GSTT2B: variants seen among roughly 807,000 people sequenced by gnomAD.
GSTT2B encodes the protein glutathione S-transferase theta-2B.
In GSTT2B, 4 loss-of-function variants were observed where a neutral mutation model predicts 16.6. The ratio of observed to expected loss-of-function variants is 0.24; its 90% confidence interval spans 0.12 to 0.55. The LOEUF (loss-of-function observed/expected upper bound fraction) is 0.55. GSTT2B is among the 20% of genes least tolerant of loss of function. The probability of loss-of-function intolerance (pLI) is 0.94; values close to 1 mark genes in which losing one functional copy is unlikely to be tolerated. For missense variants in GSTT2B, 27 were observed against 266.1 expected, an observed-to-expected ratio of 0.10 and a Z score of 6.25; for synonymous variants, 9 against 110.9, an observed-to-expected ratio of 0.08 and a Z score of 5.77.
chr22:23,960,149 G>A (rs1229529805), intron 2 of GSTT2B, 145 bp downstream of exon 2: 22 of 800,810 alleles, frequency 2.7e-5, no homozygotes, highest in Admixed American at 1.4e-4. Flanking sequence ...ACAGGCGTGA[G>A]CCACCGCGCC....
At chr22:23,960,254 T>C (rs1252848326) in intron 2 of GSTT2B, 40 bp downstream of exon 2, 1 of 1,609,144 alleles carries the variant, frequency 6.2e-7, no homozygotes, top group Non-Finnish European at 8.5e-7. Context: ...CAAGGTCACA[T>C]GGGCTCCGGA....
At chr22:23,960,684 T>G (rs1430507159) in intron 1 of GSTT2B, among the ~76,000 whole-genome samples, 9 of 109,108 alleles carry the variant, frequency 8.2e-5, no homozygotes. Flanking sequence ...CATCTCTTAA[T>G]TCTCACAACA....
chr22:23,959,799 G>A (rs146327694), intron 2 of GSTT2B, among the ~76,000 whole-genome samples: 5,780 of 92,422 alleles, frequency 0.063, 114 homozygotes, highest in African/African-American at 0.12. Flanking sequence ...GGATGGTCTC[G>A]ATCTCCTGAC....
In GSTT2B at chr22:23,959,840, G is replaced by A. The variant is rs946479315; in HGVS notation, c.200+454C>T. ...GATCCGCCCACCTCGGCCTCCCAAAGTGCTGGGATTACAGGCGTAAACCAC... is the reference window on the plus strand; with the variant it reads ...GATCCGCCCACCTCGGCCTCCCAAAATGCTGGGATTACAGGCGTAAACCAC... On this transcript the variant is annotated intron_variant, in intron 2 of 4. Transcript: ENST00000290765. Among the ~76,000 whole-genome samples, 4 of 90,844 alleles carry A rather than the reference G, an allele frequency of 4.4e-5. 1 individual carries two copies. Among genetic ancestry groups the A allele is most frequent in the African/African-American group, 1.4e-4 (4 of 28,136 alleles). 59.6% of individuals were successfully genotyped at this position (90,844 alleles called of 152,430 possible).
chr22:23,958,852 CCCTCCT>C (rs2146203524), intron 2 of GSTT2B, 151 bp from the exon 3 acceptor site: 10 of 430,562 alleles, frequency 2.3e-5, no homozygotes, highest in South Asian at 2.0e-4. Context: ...CAACACCACC[CCCTCCT>C]CCTACGAGTC....
rs781652428 is a variant in GSTT2B at position 23,960,298 on chromosome 22, C to A, written c.196G>T (p.Glu66Ter). Residue 66 changes from glutamate to a stop codon, truncating the protein, a stop_gained, in exon 2 of 5, where the codon GAA becomes TAA. Coordinates refer to ENST00000290765, the MANE Select transcript of GSTT2B (RefSeq NM_001080843.4). LOFTEE classifies it high-confidence loss of function. ...GGGGTGAGGGAAGGAGGGCACCTTTCGGTCAAGATGAAATCACCATCCTTG... is the reference window on the plus strand; with the variant it reads ...GGGGTGAGGGAAGGAGGGCACCTTTAGGTCAAGATGAAATCACCATCCTTG... ...TLKDGDFILT[E>*]SSAILIYLSC... 1.2e-6 allele frequency: 2 copies of A among 1,612,788 alleles called. No individual in the cohort carries two copies. Among genetic ancestry groups the A allele is most frequent in the Non-Finnish European group, 1.7e-6 (2 of 1,179,198 alleles).
chr22:23,958,852 CCCT>C, intron 2 of GSTT2B, 151 bp from the exon 3 acceptor site: 1 of 430,562 alleles, frequency 2.3e-6, no homozygotes, highest in Admixed American at 4.9e-5. Context: ...CAACACCACC[CCCT>C]CCTCCTACGA....
chr22:23,960,067 G>A (rs1259345656), intron 2 of GSTT2B, among the ~76,000 whole-genome samples: 2 of 149,040 alleles, frequency 1.3e-5, no homozygotes, highest in Non-Finnish European at 1.5e-5. Context: ...GTGTTTCACG[G>A]TGTTAGCCAG....
At chr22:23,960,233 G>C (rs1433765030) in intron 2 of GSTT2B, 61 bp downstream of exon 2, 2 of 1,594,016 alleles carry the variant, frequency 1.3e-6, no homozygotes, top group Non-Finnish European at 1.7e-6. Context: ...CCCGGGGCCA[G>C]TGGGGAGAGC....
At chr22:23,960,520 C>T (rs2033829562) in intron 1 of GSTT2B, 139 bp from the exon 2 acceptor site, 1 of 1,029,948 alleles carries the variant, frequency 9.7e-7, no homozygotes, top group African/African-American at 1.7e-5. Context: ...CAGCCTCACT[C>T]CCTGGCTGGG....
upstream of GSTT2B, chr22:23,961,206 CCCGGCGCGCCGGGAAATAGGGGAT>C: frequency 2.8e-6 from 1 of 357,764 alleles, no homozygotes; most frequent in South Asian, 2.6e-5. Context: ...GTGGCAGGAT[CCCGGCGCGCCGGGAAATAGGGGAT>C]CAGGCCCCAC....
At position 23,960,362 on chromosome 22, in the gene GSTT2B, C is replaced by T. The variant is rs1416894192; in HGVS notation, c.132G>A (p.Glu44=). ...DLVKGQHKSK[E]FLQINSLGKL... Reference sequence around the variant, plus strand: ...TCCCCAGGCTGTTGATCTGCAAGAACTCCTTGCTCTTGTGCTGCCCTGAAG... The same window carrying T: ...TCCCCAGGCTGTTGATCTGCAAGAATTCCTTGCTCTTGTGCTGCCCTGAAG... Residue 44 remains glutamate (E), a synonymous_variant, in exon 2 of 5, where the codon GAG becomes GAA. Coordinates refer to ENST00000290765, the MANE Select transcript of GSTT2B (RefSeq NM_001080843.4). 13 of 1,611,350 alleles carry T rather than the reference C, an allele frequency of 8.1e-6. No individual in the cohort carries two copies. Among genetic ancestry groups the T allele is most frequent in the African/African-American group, 4.0e-5 (3 of 74,576 alleles).
chr22:23,960,311 A>G lies in GSTT2B; in HGVS notation c.183T>C (p.Asp61=), dbSNP rs1225607623. ...LGKLPTLKDG[D]FILTESSAIL... ...GAGGGCACCTTTCGGTCAAGATGAA[A>G]TCACCATCCTTGAGCGTCGGCAGTT... The change falls in exon 2 of 5, where the codon GAT becomes GAC. Residue 61 remains aspartate, a synonymous_variant. Transcript: ENST00000290765. The G allele has an allele frequency of 6.2e-7, 1 of 1,612,586 alleles. No homozygotes were observed. Among genetic ancestry groups the G allele is most frequent in the African/African-American group, 1.3e-5 (1 of 74,820 alleles).
In GSTT2B at chr22:23,959,672, G is replaced by A. The variant is rs185056953; in HGVS notation, c.200+622C>T. Among the ~76,000 whole-genome samples the A allele has an allele frequency of 9.6e-3, 985 of 102,826 alleles. 202 individuals are homozygous for A. Among genetic ancestry groups the A allele is most frequent in the Admixed American group, 0.091 (869 of 9,520 alleles). 67.5% of individuals were successfully genotyped at this position (102,826 alleles called of 152,430 possible). Reference sequence around the variant, plus strand: ...TGCTCATTGCAAGCTCCGCCTCCTGGGTTCACGCCATTCTCCTGCCTCAGC... The same window carrying A: ...TGCTCATTGCAAGCTCCGCCTCCTGAGTTCACGCCATTCTCCTGCCTCAGC... On this transcript the variant is annotated intron_variant, in intron 2 of 4. Coordinates refer to ENST00000290765, the MANE Select transcript of GSTT2B (RefSeq NM_001080843.4).
intron 2 of GSTT2B, 77 bp downstream of exon 2, chr22:23,960,217 C>T (rs375405749): frequency 0.038 from 54,748 of 1,450,512 alleles, 912 homozygotes; most frequent in Admixed American, 0.071. Context: ...GGGAGGGCCA[C>T]TGGGGCCCGG....
At chr22:23,958,512 TCC>T (rs2033799698) in intron 3 of GSTT2B, 37 bp downstream of exon 3, 2 of 1,489,978 alleles carry the variant, frequency 1.3e-6, no homozygotes, top group East Asian at 4.5e-5. Flanking sequence ...TGCCAACTAC[TCC>T]CTGATGGCCA....
At chr22:23,960,058 T>A (rs565583706) in intron 2 of GSTT2B, among the ~76,000 whole-genome samples, 10 of 140,682 alleles carry the variant, frequency 7.1e-5, no homozygotes, top group Non-Finnish European at 1.6e-4. Flanking sequence ...GTAGAGACGG[T>A]GTTTCACGGT....
intron 2 of GSTT2B, among the ~76,000 whole-genome samples, chr22:23,959,778 C>G (rs1367652958): frequency 6.3e-5 from 6 of 94,786 alleles, no homozygotes; most frequent in African/African-American, 1.7e-4. Flanking sequence ...AGGGTTTCAC[C>G]GTGTTACCCA....
At position 23,959,589 on chromosome 22, in the gene GSTT2B, G is replaced by A. The variant is rs542734736; in HGVS notation, c.200+705C>T. 8.8e-3 allele frequency among the ~76,000 whole-genome samples: 883 copies of A among 100,614 alleles called. 4 individuals are homozygous for A. The highest frequency in any genetic ancestry group is 0.014 in the Non-Finnish European group (594 of 42,256). 66.0% of individuals were successfully genotyped at this position (100,614 alleles called of 152,430 possible). ...TTTTGAGACGGAGTCTCCCTCTGTC[G>A]CCCAGGCTGGAGTGGGCTCCCTCTG... On this transcript the variant is annotated intron_variant, in intron 2 of 4. Transcript: ENST00000290765.
Sources: gnomAD v4.1 joint callset for allele counts (sites outside exome capture counted in the v4.1 genomes callset) on GRCh38, gnomAD v4.1.1 for gene constraint, MANE v1.5 for transcripts, NCBI Gene and HGNC (gene_info 2026-07-23, HGNC 2026-07-21) for gene names.